Variants in COL14A1 observed in about 807,000 individuals in gnomAD.
COL14A1 encodes the protein collagen type XIV alpha 1 chain.
In COL14A1, 136 loss-of-function variants were observed where a neutral mutation model predicts 230.3. The observed-to-expected ratio is 0.59, with a 90% CI of 0.51 to 0.68. COL14A1 has a LOEUF of 0.68. Ranked by LOEUF, COL14A1 falls within the 30% of genes least tolerant of loss-of-function variation. The pLI, the probability that COL14A1 is intolerant of heterozygous loss-of-function variation, is 0.00. For synonymous variants in COL14A1, 792 were observed against 784.1 expected, an observed-to-expected ratio of 1.01 and a Z score of -0.17; for missense variants, 1,976 against 2,215.8, an observed-to-expected ratio of 0.89 and a Z score of 2.17.
At chr8:120,263,108 C>A in intron 24 of COL14A1, 94 bp downstream of exon 24, 2 of 1,346,646 alleles carry the variant, frequency 1.5e-6, no homozygotes, top group Non-Finnish European at 2.0e-6. Flanking sequence ...AAAATATTAG[C>A]TATTGCTGTT....
chr8:120,235,575 A>T (rs569604212), intron 19 of COL14A1, among the ~76,000 whole-genome samples: 242 of 151,956 alleles, frequency 1.6e-3, no homozygotes, highest in Non-Finnish European at 2.1e-3. Flanking sequence ...AAGCTCCTGG[A>T]TTCACTGATT....
intron 19 of COL14A1, among the ~76,000 whole-genome samples, chr8:120,240,759 A>G (rs1818585961): frequency 1.3e-5 from 2 of 152,222 alleles, no homozygotes; most frequent in African/African-American, 4.8e-5. Context: ...AGGGGAATTT[A>G]ATTTACGTTT....
chr8:120,337,412 A>AAAAAGAAAAAAG (rs1183308909), intron 42 of COL14A1, among the ~76,000 whole-genome samples: 1 of 151,340 alleles, frequency 6.6e-6, no homozygotes, highest in Non-Finnish European at 1.5e-5. Context: ...AAAAAAAAAA[A>AAAAAGAAAAAAG]AAAAAAGAAA....
chr8:120,268,712 G>T (rs1266885070), intron 25 of COL14A1, among the ~76,000 whole-genome samples: 1 of 151,548 alleles, frequency 6.6e-6, no homozygotes, highest in Non-Finnish European at 1.5e-5. Context: ...AAACTTAAAA[G>T]AACAGCATTA....
intron 5 of COL14A1, 117 bp downstream of exon 5, chr8:120,168,364 C>T (rs563409885): frequency 5.1e-5 from 34 of 660,872 alleles, no homozygotes; most frequent in South Asian, 1.9e-4. Flanking sequence ...ATACGAAGAT[C>T]GCCTGTGGCC....
intron 10 of COL14A1, among the ~76,000 whole-genome samples, chr8:120,207,743 A>G (rs915781183): frequency 6.6e-6 from 1 of 151,836 alleles, no homozygotes; most frequent in Non-Finnish European, 1.5e-5. Flanking sequence ...CCTCTGACTG[A>G]CCTCAGCATA....
chr8:120,141,487 G>T (rs886148622), intron 1 of COL14A1, among the ~76,000 whole-genome samples: 2 of 152,154 alleles, frequency 1.3e-5, no homozygotes, highest in East Asian at 3.9e-4. Context: ...TGAGGCTGTT[G>T]TGAGCCATAA....
At chr8:120,156,468 C>T (rs1426060204) in intron 2 of COL14A1, among the ~76,000 whole-genome samples, 7 of 152,004 alleles carry the variant, frequency 4.6e-5, no homozygotes, top group Middle Eastern at 3.4e-3. Context: ...CCTGCCTGGC[C>T]GAGGGTGACT....
chr8:120,212,710 T>A (rs1817648620), intron 13 of COL14A1, 133 bp downstream of exon 13: 1 of 950,260 alleles, frequency 1.1e-6, no homozygotes, highest in Non-Finnish European at 1.5e-6. Context: ...TCATGTTCTA[T>A]TTAGGGCAAG....
chr8:120,156,815 C>G (rs568631552), intron 2 of COL14A1, among the ~76,000 whole-genome samples: 1 of 152,072 alleles, frequency 6.6e-6, no homozygotes, highest in East Asian at 1.9e-4. Flanking sequence ...TTGGAAGAAA[C>G]AATAACCTGC....
At chr8:120,193,860 G>A (rs1425654488) in intron 5 of COL14A1, among the ~76,000 whole-genome samples, 2 of 152,180 alleles carry the variant, frequency 1.3e-5, no homozygotes, top group Non-Finnish European at 2.9e-5. Context: ...AGCCAGGTGT[G>A]GGATATAATC....
intron 42 of COL14A1, among the ~76,000 whole-genome samples, chr8:120,337,907 CACTGAG>C (rs1822139777): frequency 6.6e-6 from 1 of 152,178 alleles, no homozygotes; most frequent in Non-Finnish European, 1.5e-5. Flanking sequence ...AAAGATCTTT[CACTGAG>C]ACTGCCTAGC....
intron 1 of COL14A1, among the ~76,000 whole-genome samples, chr8:120,125,650 G>A (rs532753579): frequency 1.3e-5 from 2 of 152,092 alleles, no homozygotes; most frequent in Non-Finnish European, 2.9e-5. Flanking sequence ...CGTGTGGCGG[G>A]AAGAAGCTGC....
Position 120,298,638 on chromosome 8 carries a change from T to TATATATATAC in COL14A1, c.4314+1051_4314+1052insTATATATACA, listed in dbSNP as rs398009611. Reference sequence around the variant, plus strand: ...ATATATATATATATATATATATATATACAAAAATACAGATTTATATCTTAG... The same window carrying TATATATATAC: ...ATATATATATATATATATATATATATATATATATACACAAAAATACAGATTTATATCTTAG... On this transcript the variant is annotated intron_variant, in intron 35 of 47. Transcript: ENST00000297848. 1.9e-3 allele frequency among the ~76,000 whole-genome samples: 224 copies of TATATATATAC among 118,840 alleles called. 6 individuals are homozygous for TATATATATAC. Among genetic ancestry groups the TATATATATAC allele is most frequent in the Non-Finnish European group, 2.8e-3 (158 of 56,714 alleles). 78.0% of individuals were successfully genotyped at this position (118,840 alleles called of 152,430 possible).
intron 44 of COL14A1, 71 bp downstream of exon 44, chr8:120,342,517 A>C: frequency 7.0e-7 from 1 of 1,432,134 alleles, no homozygotes; most frequent in Non-Finnish European, 9.8e-7. Context: ...TTCTTTTCCC[A>C]TGAGCGTACC....
chr8:120,202,985 T>A (rs1817298360), intron 8 of COL14A1, among the ~76,000 whole-genome samples: 1 of 122,346 alleles, frequency 8.2e-6, no homozygotes, highest in East Asian at 2.2e-4. Context: ...TAATAATAAT[T>A]TCAAATATAT....
Position 120,345,508 on chromosome 8 carries a change from A to G in COL14A1, c.5022A>G (p.Pro1674=). ...SPGAPGEQGP[P]GTPGFPGNAG... is the part of the protein sequence containing the mutation. ...GAGCCCCTGGTGAACAAGGACCCCC[A>G]GGCACACCAGGCTTCCCCGGAAATG... The change falls in exon 45 of 48, where the codon CCA becomes CCG. Residue 1674 remains proline (P), a synonymous_variant. Coordinates refer to ENST00000297848, the MANE Select transcript of COL14A1 (RefSeq NM_021110.4). 1 of 1,590,596 alleles carries G rather than the reference A, an allele frequency of 6.3e-7. No individual in the cohort carries two copies.
chr8:120,265,591 A>G (rs180885900), intron 24 of COL14A1, among the ~76,000 whole-genome samples: 1 of 151,774 alleles, frequency 6.6e-6, no homozygotes, highest in Non-Finnish European at 1.5e-5. Context: ...ATATATACAT[A>G]TTTATGAAAA....
chr8:120,233,096 C>T (rs1288841629), intron 19 of COL14A1, among the ~76,000 whole-genome samples: 1 of 152,050 alleles, frequency 6.6e-6, no homozygotes, highest in African/African-American at 2.4e-5. Flanking sequence ...TATCCTTCTC[C>T]CACTTTTTGA....
Sources: allele counts gnomAD v4.1 joint callset (sites outside exome capture counted in the v4.1 genomes callset), GRCh38; gene constraint gnomAD v4.1.1; transcripts MANE v1.5; gene names NCBI Gene and HGNC (gene_info 2026-07-23, HGNC 2026-07-21).